The following NAALADL2 variants were observed in gnomAD, a reference collection of about 807,000 sequenced individuals.
NAALADL2 encodes N-acetylated alpha-linked acidic dipeptidase like 2.
NAALADL2 carries 76 observed loss-of-function variants against 87.2 expected under a neutral mutation model. The observed-to-expected ratio is 0.87, with a 90% CI of 0.72 to 1.05. The LOEUF is 1.05. NAALADL2 is among the 50% of genes least tolerant of loss of function. NAALADL2 has a pLI of 0.00. For missense variants in NAALADL2, 1,089 were observed against 945.8 expected (o/e 1.15, Z -1.99); for synonymous variants, 354 against 331.0 (o/e 1.07, Z -0.75).
chr3:174,536,998 A>G (rs942180752), intron 1 of NAALADL2, among the ~76,000 whole-genome samples: 7 of 152,228 alleles, frequency 4.6e-5, no homozygotes, highest in Admixed American at 4.6e-4. Flanking sequence ...AAAGAACTGA[A>G]CAAGTGTCTA....
intron 1 of NAALADL2, among the ~76,000 whole-genome samples, chr3:174,457,786 G>C (rs562111710): frequency 1.2e-4 from 18 of 151,950 alleles, no homozygotes. Flanking sequence ...ACTTCAGCCT[G>C]GGTGACAGGG....
intron 1 of NAALADL2, chr3:174,863,966 G>T: frequency 2.3e-6 from 1 of 435,596 alleles, no homozygotes; most frequent in Non-Finnish European, 4.6e-6. Context: ...AGATATTGAG[G>T]TAACAGGACA....
intron 12 of NAALADL2, among the ~76,000 whole-genome samples, chr3:175,753,821 A>G (rs1746906174): frequency 6.6e-6 from 1 of 152,170 alleles, no homozygotes. Flanking sequence ...GACTTCTCAT[A>G]GTGAAGGCCT....
chr3:174,649,723 A>G (rs913364245), intron 2 of NAALADL2, among the ~76,000 whole-genome samples: 4 of 152,188 alleles, frequency 2.6e-5, no homozygotes, highest in African/African-American at 7.2e-5. Context: ...TTATACATAC[A>G]TACACACAGA....
At position 175,451,412 on chromosome 3, in the gene NAALADL2, G is replaced by A. The variant is rs549656222; in HGVS notation, c.1234+4040G>A. Among the ~76,000 whole-genome samples, 11 of 152,102 alleles carry A rather than the reference G, an allele frequency of 7.2e-5. No individual in the cohort carries two copies. The South Asian group carries it at 2.1e-3, about 29-fold the overall frequency. On this transcript the variant is annotated intron_variant, in intron 6 of 13. Transcript: ENST00000454872. Reference sequence around the variant, plus strand: ...ATTGTTTGCATTGATTAGATAATTGGATACTGACTCCATTTCATTTTGAAT... The same window carrying A: ...ATTGTTTGCATTGATTAGATAATTGAATACTGACTCCATTTCATTTTGAAT...
chr3:175,499,417 TAAAC>T (rs1276158873), intron 9 of NAALADL2, among the ~76,000 whole-genome samples: 2 of 149,198 alleles, frequency 1.3e-5, no homozygotes, highest in Non-Finnish European at 3.0e-5. Context: ...GTTTAAAAAT[TAAAC>T]AAATAAACAT....
At chr3:174,770,084 ACT>A (rs1457057661) in intron 3 of NAALADL2, among the ~76,000 whole-genome samples, 2 of 152,116 alleles carry the variant, frequency 1.3e-5, no homozygotes, top group African/African-American at 4.8e-5. Context: ...ATATCCATCA[ACT>A]CTTTCAGCAA....
chr3:174,649,793 C>T (rs1350661667), intron 2 of NAALADL2, among the ~76,000 whole-genome samples: 1 of 152,074 alleles, frequency 6.6e-6, no homozygotes, highest in Non-Finnish European at 1.5e-5. Context: ...CATGTGGAAG[C>T]TGAAGATGAG....
chr3:175,562,166 G>A (rs1024073486), intron 9 of NAALADL2, among the ~76,000 whole-genome samples: 2 of 152,128 alleles, frequency 1.3e-5, no homozygotes, highest in African/African-American at 4.8e-5. Flanking sequence ...CTCCCAGTAT[G>A]GGGTTAAAGA....
At chr3:174,875,693 A>G (rs1257456762) in intron 1 of NAALADL2, among the ~76,000 whole-genome samples, 2 of 152,196 alleles carry the variant, frequency 1.3e-5, no homozygotes, top group East Asian at 1.9e-4. Context: ...CCCTTAATTT[A>G]TGACTAAAAT....
At chr3:175,749,915 G>A (rs1746421803) in intron 12 of NAALADL2, among the ~76,000 whole-genome samples, 2 of 152,176 alleles carry the variant, frequency 1.3e-5, no homozygotes, top group Admixed American at 1.3e-4. Context: ...CTGTTGGAAG[G>A]TGTTTTAGGA....
intron 2 of NAALADL2, among the ~76,000 whole-genome samples, chr3:175,169,987 C>G (rs1734562717): frequency 6.6e-6 from 1 of 151,764 alleles, no homozygotes. Flanking sequence ...TTTTTACAAC[C>G]TGTTTGGGTT....
intron 13 of NAALADL2, among the ~76,000 whole-genome samples, chr3:175,761,146 G>A (rs996198026): frequency 2.0e-5 from 3 of 152,070 alleles, no homozygotes; most frequent in Non-Finnish European, 4.4e-5. Context: ...ATAATAATAT[G>A]TACCCACTGT....
chr3:175,549,090 A>G (rs1713878439), intron 9 of NAALADL2, among the ~76,000 whole-genome samples: 3 of 152,120 alleles, frequency 2.0e-5, no homozygotes, highest in African/African-American at 4.8e-5. Flanking sequence ...TTCTTATAGT[A>G]TAGTTGAAAG....
rs540673308 is a variant in NAALADL2, at chr3:175,680,567, G to A, written c.1896+53181G>A. ...CTAGCTTCAGGCAGTGTTATATGCT[G>A]TACATCCTTGATCCCATTTAGTCCT... On this transcript the variant is annotated intron_variant, in intron 11 of 13. Coordinates refer to ENST00000454872, the MANE Select transcript of NAALADL2 (RefSeq NM_207015.3). 4.6e-5 allele frequency among the ~76,000 whole-genome samples: 7 copies of A among 152,210 alleles called. No individual in the cohort carries two copies. In the South Asian group the frequency reaches 6.2e-4, roughly 14 times the overall value.
chr3:174,947,857 TG>T, intron 1 of NAALADL2, among the ~76,000 whole-genome samples: 1 of 152,274 alleles, frequency 6.6e-6, no homozygotes, highest in Admixed American at 6.5e-5. Context: ...AGACTTGCAC[TG>T]AGCTTTATTT....
At chr3:175,643,446 A>G (rs1449300781) in intron 11 of NAALADL2, among the ~76,000 whole-genome samples, 1 of 152,210 alleles carries the variant, frequency 6.6e-6, no homozygotes, top group East Asian at 1.9e-4. Flanking sequence ...TTGACTGTCA[A>G]TGCCTAAAAA....
chr3:174,918,057 G>A (rs1026958002), intron 1 of NAALADL2, among the ~76,000 whole-genome samples: 1 of 152,004 alleles, frequency 6.6e-6, no homozygotes, highest in Non-Finnish European at 1.5e-5. Flanking sequence ...AACATCCACT[G>A]CAATACTTAA....
At chr3:175,335,821 TG>T (rs1287906700) in intron 5 of NAALADL2, among the ~76,000 whole-genome samples, 1 of 152,224 alleles carries the variant, frequency 6.6e-6, no homozygotes, top group Non-Finnish European at 1.5e-5. Flanking sequence ...TGGAATATTA[TG>T]TTTTTTTGAG....
Sources: gnomAD v4.1 joint callset for allele counts (sites outside exome capture counted in the v4.1 genomes callset) on GRCh38, gnomAD v4.1.1 for gene constraint, MANE v1.5 for transcripts, NCBI Gene and HGNC (gene_info 2026-07-23, HGNC 2026-07-21) for gene names.